Variants in GCNT1 observed in about 807,000 individuals in gnomAD.
The protein encoded by GCNT1 is glucosaminyl (N-acetyl) transferase 1.
GCNT1 carries 16 observed loss-of-function variants against 26.2 expected under a neutral mutation model. That is an observed-to-expected ratio of 0.61 (90% CI 0.41 to 0.93). The LOEUF is 0.93. GCNT1 is among the 40% of genes least tolerant of loss of function. GCNT1 has a pLI of 0.00. For synonymous variants in GCNT1, 183 were observed against 190.8 expected, an observed-to-expected ratio of 0.96 and a Z score of 0.34; for missense variants, 477 against 526.7, an observed-to-expected ratio of 0.91 and a Z score of 0.92.
At chr9:76,400,297 C>T in the GCNT1 span, among the ~76,000 whole-genome samples, 3 of 152,098 alleles carry the variant, frequency 2.0e-5, no homozygotes, top group Non-Finnish European at 4.4e-5. Context: ...CTGACATCAA[C>T]GTTCACACCT....
intron 2 of GCNT1, among the ~76,000 whole-genome samples, chr9:76,489,749 C>T (rs191538296): frequency 3.3e-4 from 51 of 152,286 alleles, no homozygotes; most frequent in Middle Eastern, 3.4e-3. Flanking sequence ...CTCAATCCCC[C>T]CTCTAAACAG....
chr9:76,441,964 G>A (rs1823490199), exon 1 of GCNT1: 1 of 152,208 alleles, frequency 6.6e-6, no homozygotes, highest in Non-Finnish European at 1.5e-5. Context: ...CTGACTCAGA[G>A]CTGGGGAAAA....
chr9:76,465,023 G>T (rs2131598025), intron 2 of GCNT1, among the ~76,000 whole-genome samples: 1 of 152,126 alleles, frequency 6.6e-6, no homozygotes, highest in East Asian at 1.9e-4. Context: ...GCTCGGGCTG[G>T]AGTGCAGTGG....
upstream of GCNT1, among the ~76,000 whole-genome samples, chr9:76,416,337 C>T (rs1363539500): frequency 6.6e-6 from 1 of 152,174 alleles, no homozygotes; most frequent in Non-Finnish European, 1.5e-5. Flanking sequence ...CTGCATTCAC[C>T]ATCCTTCAAG....
intron 2 of GCNT1, among the ~76,000 whole-genome samples, chr9:76,475,786 G>A (rs888218416): frequency 6.6e-6 from 1 of 152,196 alleles, no homozygotes; most frequent in African/African-American, 2.4e-5. Flanking sequence ...CTGAACAAAT[G>A]AGAGGAGTCA....
chr9:76,450,476 C>T lies in GCNT1; in HGVS notation c.-290+8161C>T, dbSNP rs146715638. Among the ~76,000 whole-genome samples, 207 of 152,284 alleles carry T rather than the reference C, an allele frequency of 1.4e-3. 2 individuals are homozygous for T. In the East Asian group the frequency reaches 0.034, roughly 25 times the overall value. Reference sequence around the variant, plus strand: ...TAGATGAATAGTTGTCCATAAGTATCCATGTTGTCCAAATGCCTTCTAGAA... The same window carrying T: ...TAGATGAATAGTTGTCCATAAGTATTCATGTTGTCCAAATGCCTTCTAGAA... On this transcript the variant is annotated intron_variant, in intron 1 of 2. Coordinates refer to the GCNT1 transcript ENST00000442371.
chr9:76,457,788 G>A (rs536375620), upstream of GCNT1, among the ~76,000 whole-genome samples: 1 of 152,052 alleles, frequency 6.6e-6, no homozygotes, highest in East Asian at 1.9e-4. Flanking sequence ...TAACAATTAT[G>A]CTTGAATTGC....
chr9:76,452,882 A>G (rs922983407), intron 1 of GCNT1, among the ~76,000 whole-genome samples: 4 of 152,104 alleles, frequency 2.6e-5, no homozygotes, highest in East Asian at 3.8e-4. Flanking sequence ...TTAATCTTCA[A>G]TCTAAGGAGC....
At chr9:76,501,991 T>C (rs1825082051) in intron 3 of GCNT1, 1 of 152,156 alleles carries the variant, frequency 6.6e-6, no homozygotes, top group Admixed American at 6.5e-5. Context: ...GGGGTTTGTT[T>C]TTTCTTTTGT....
intron 2 of GCNT1, among the ~76,000 whole-genome samples, chr9:76,482,495 G>T (rs369220331): frequency 7.8e-4 from 118 of 151,712 alleles, no homozygotes; most frequent in African/African-American, 2.7e-3. Context: ...GTGGTGGCAG[G>T]CGCCTGTAGT....
intron 1 of GCNT1, among the ~76,000 whole-genome samples, chr9:76,436,198 T>A (rs1225772189): frequency 6.6e-6 from 1 of 151,696 alleles, no homozygotes; most frequent in Non-Finnish European, 1.5e-5. Flanking sequence ...GTGATCCACC[T>A]ACCTCGGCCT....
intron 1 of GCNT1, among the ~76,000 whole-genome samples, chr9:76,450,280 C>T (rs1823643769): frequency 6.6e-6 from 1 of 152,168 alleles, no homozygotes; most frequent in African/African-American, 2.4e-5. Context: ...ACATCTGATT[C>T]CCTTATAGCA....
chr9:76,405,288 A>AAC, the GCNT1 span, among the ~76,000 whole-genome samples: 61,626 of 149,510 alleles, frequency 0.41, 13,228 homozygotes, highest in East Asian at 0.73. Flanking sequence ...CCTGACCTTC[A>AAC]ACACACACAC....
intron 1 of GCNT1, among the ~76,000 whole-genome samples, chr9:76,452,340 T>C (rs997291077): frequency 6.6e-6 from 1 of 152,058 alleles, no homozygotes; most frequent in African/African-American, 2.4e-5. Context: ...CTCTCTGTAC[T>C]AAAAAAAATT....
intron 1 of GCNT1, chr9:76,420,651 T>C (rs1378598421): frequency 2.6e-5 from 4 of 151,630 alleles, no homozygotes; most frequent in Non-Finnish European, 5.9e-5. Context: ...GAATCTACTA[T>C]GGCTGAGTGT....
the GCNT1 span, chr9:76,399,498 G>A: frequency 1.9e-6 from 3 of 1,591,680 alleles, no homozygotes; most frequent in Non-Finnish European, 2.6e-6. Flanking sequence ...ACTGAAGACT[G>A]GAGCGCTCAG....
chr9:76,399,953 T>C, the GCNT1 span, among the ~76,000 whole-genome samples: 1 of 152,184 alleles, frequency 6.6e-6, no homozygotes, highest in Non-Finnish European at 1.5e-5. Flanking sequence ...AACTGCATAT[T>C]ACTAAGTGAA....
intron 2 of GCNT1, among the ~76,000 whole-genome samples, chr9:76,469,625 C>A (rs927811086): frequency 2.0e-5 from 3 of 152,190 alleles, no homozygotes; most frequent in Admixed American, 6.5e-5. Flanking sequence ...TTGTTCTTTG[C>A]CGCTGTTGCA....
At chr9:76,474,833 A>G (rs1824218658) in intron 2 of GCNT1, among the ~76,000 whole-genome samples, 1 of 152,266 alleles carries the variant, frequency 6.6e-6, no homozygotes, top group African/African-American at 2.4e-5. Context: ...GAAGTGTTTG[A>G]ATAAACATCC....
Sources: gnomAD v4.1 joint callset for allele counts (sites outside exome capture counted in the v4.1 genomes callset) on GRCh38, gnomAD v4.1.1 for gene constraint, MANE v1.5 for transcripts, NCBI Gene and HGNC (gene_info 2026-07-23, HGNC 2026-07-21) for gene names.